Variants in KCNT2 observed in about 807,000 individuals in gnomAD.
KCNT2 encodes potassium sodium-activated channel subfamily T member 2.
A neutral mutation model predicts 153.8 loss-of-function variants in KCNT2; 67 were observed. That is an observed-to-expected ratio of 0.44 (90% CI 0.36 to 0.53). KCNT2 has a LOEUF of 0.53. Among genes scored for constraint, KCNT2 ranks in the 20% least tolerant of loss-of-function variants. The pLI is 0.00. For synonymous variants in KCNT2, 500 were observed against 458.8 expected (o/e 1.09, Z -1.15); for missense variants, 975 against 1,354.8 (o/e 0.72, Z 4.40).
chr1:196,332,790 T>G (rs1041280616), intron 17 of KCNT2, among the ~76,000 whole-genome samples: 2 of 151,590 alleles, frequency 1.3e-5, no homozygotes, highest in African/African-American at 4.9e-5. Context: ...GGCTAGTTTT[T>G]TTTTTTTTTT....
intron 14 of KCNT2, among the ~76,000 whole-genome samples, chr1:196,354,063 GT>G (rs1277440234): frequency 1.3e-5 from 2 of 151,680 alleles, no homozygotes; most frequent in African/African-American, 4.8e-5. Flanking sequence ...GAACCTGTAT[GT>G]TTTTGTGAAA....
intron 7 of KCNT2, 134 bp from the exon 8 acceptor site, chr1:196,465,521 A>C: frequency 1.6e-6 from 1 of 615,170 alleles, no homozygotes; most frequent in Middle Eastern, 4.3e-4. Context: ...CATGTATTTC[A>C]AATGGAAATA....
chr1:196,511,187 A>C (rs1004073371), intron 1 of KCNT2, among the ~76,000 whole-genome samples: 7 of 151,974 alleles, frequency 4.6e-5, no homozygotes, highest in African/African-American at 1.7e-4. Flanking sequence ...GCTTAGCAAA[A>C]AAGTAAGGGA....
intron 9 of KCNT2, among the ~76,000 whole-genome samples, chr1:196,428,598 C>A (rs1432954111): frequency 6.6e-6 from 1 of 152,072 alleles, no homozygotes; most frequent in Non-Finnish European, 1.5e-5. Flanking sequence ...TTCCCACATT[C>A]TCTGTCAAAT....
At chr1:196,452,125 T>C (rs188765354) in intron 8 of KCNT2, among the ~76,000 whole-genome samples, 1 of 152,124 alleles carries the variant, frequency 6.6e-6, no homozygotes, top group East Asian at 2.0e-4. Flanking sequence ...GATGCTTGTA[T>C]GACCTTGAGT....
At chr1:196,526,957 C>T (rs1654305803) in intron 1 of KCNT2, among the ~76,000 whole-genome samples, 1 of 152,184 alleles carries the variant, frequency 6.6e-6, no homozygotes, top group Non-Finnish European at 1.5e-5. Context: ...AGCATTACCA[C>T]CTGAGCTCCA....
chr1:196,319,686 C>T, intron 19 of KCNT2, 131 bp from the exon 20 acceptor site: 1 of 484,920 alleles, frequency 2.1e-6, no homozygotes, highest in South Asian at 4.0e-5. Flanking sequence ...ATTTTCAGTG[C>T]TTTTTTTTCT....
At position 196,596,056 on chromosome 1, in the gene KCNT2, G is replaced by GTATATATATATATATATA. The variant is rs1174131733; in HGVS notation, c.95+12141_95+12158dup. On this transcript the variant is annotated intron_variant, in intron 1 of 27. Transcript: ENST00000294725. ...ATGGCTGAGTTGTATTCCATGATGTGTATATATATATATATATATATATAT... is the reference window on the plus strand; with the variant it reads ...ATGGCTGAGTTGTATTCCATGATGTGTATATATATATATATATATATATATATATATATATATATATAT... 6.8e-3 allele frequency among the ~76,000 whole-genome samples: 29 copies of GTATATATATATATATATA among 4,284 alleles called. 2 individuals are homozygous for GTATATATATATATATATA. The highest frequency in any genetic ancestry group is 7.9e-3 in the African/African-American group (29 of 3,660). 2.8% of individuals were successfully genotyped at this position (4,284 alleles called of 152,430 possible). A position where few individuals can be genotyped will look rare whatever the true frequency, so the allele number is the denominator to read the frequency against.
At chr1:196,594,466 C>T (rs1321504037) in intron 1 of KCNT2, among the ~76,000 whole-genome samples, 1 of 151,992 alleles carries the variant, frequency 6.6e-6, no homozygotes, top group Non-Finnish European at 1.5e-5. Flanking sequence ...TGACATATTT[C>T]TTTTTCTTTT....
At chr1:196,603,950 A>G (rs1053108308) in intron 1 of KCNT2, among the ~76,000 whole-genome samples, 1 of 152,202 alleles carries the variant, frequency 6.6e-6, no homozygotes, top group African/African-American at 2.4e-5. Flanking sequence ...GCAGGAGAAT[A>G]CTCTAAATCT....
chr1:196,284,183 A>G (rs1403020759), intron 23 of KCNT2, among the ~76,000 whole-genome samples: 1 of 135,588 alleles, frequency 7.4e-6, no homozygotes. Flanking sequence ...GTGAGCCGAG[A>G]TCGCACCACC....
intron 1 of KCNT2, among the ~76,000 whole-genome samples, chr1:196,538,878 T>C (rs1655965684): frequency 6.6e-6 from 1 of 152,238 alleles, no homozygotes. Context: ...CTAGCACCAC[T>C]CAATTGAAAA....
chr1:196,329,950 C>CATATATATATATATATATATATATAT (rs71154737), intron 18 of KCNT2, among the ~76,000 whole-genome samples: 1 of 73,540 alleles, frequency 1.4e-5, no homozygotes, highest in Admixed American at 1.5e-4. Flanking sequence ...TTCCTCAAGA[C>CATATATATATATATATATATATATAT]ATATATATAT....
In KCNT2 at chr1:196,395,235, T is replaced by C. The variant is rs112676485; in HGVS notation, c.1294+3328A>G. Among the ~76,000 whole-genome samples the C allele has an allele frequency of 4.9e-3, 739 of 151,698 alleles. 5 individuals are homozygous for C. The highest frequency in any genetic ancestry group is 0.017 in the African/African-American group (702 of 41,472). On this transcript the variant is annotated intron_variant, in intron 13 of 27. Coordinates refer to ENST00000294725, the MANE Select transcript of KCNT2 (RefSeq NM_198503.5). ...ACTCTAAATGTTATTTCCAAAACTA[T>C]CCTGAATGAGTTTCGTATCAAGGCT...
chr1:196,600,674 A>T (rs1313516690), intron 1 of KCNT2, among the ~76,000 whole-genome samples: 2 of 149,020 alleles, frequency 1.3e-5, no homozygotes, highest in African/African-American at 4.9e-5. Context: ...ATGACAGATT[A>T]ACAGTGTTCT....
At chr1:196,470,476 G>A (rs1421468053) in intron 5 of KCNT2, among the ~76,000 whole-genome samples, 1 of 152,130 alleles carries the variant, frequency 6.6e-6, no homozygotes, top group Non-Finnish European at 1.5e-5. Context: ...AGGTGAAATG[G>A]GACTTCAACA....
chr1:196,398,846 C>A (rs1425397136), intron 12 of KCNT2, among the ~76,000 whole-genome samples, 175 bp from the exon 13 acceptor site: 1 of 151,454 alleles, frequency 6.6e-6, no homozygotes, highest in Non-Finnish European at 1.5e-5. Flanking sequence ...GTAGTAATAG[C>A]TAATTCAATC....
chr1:196,297,907 A>G (rs564541029), intron 22 of KCNT2, among the ~76,000 whole-genome samples: 1 of 152,182 alleles, frequency 6.6e-6, no homozygotes, highest in Admixed American at 6.5e-5. Context: ...TCAATGTTGT[A>G]ATGCCTAGAA....
At chr1:196,551,447 A>C (rs550266005) in intron 1 of KCNT2, among the ~76,000 whole-genome samples, 74 of 151,866 alleles carry the variant, frequency 4.9e-4, no homozygotes, top group Non-Finnish European at 9.6e-4. Context: ...AGAAATACCA[A>C]AATAAACTTT....
Sources: allele counts gnomAD v4.1 joint callset (sites outside exome capture counted in the v4.1 genomes callset), GRCh38; gene constraint gnomAD v4.1.1; transcripts MANE v1.5; gene names NCBI Gene and HGNC (gene_info 2026-07-23, HGNC 2026-07-21).